MTUS1: variants seen among roughly 807,000 people sequenced by gnomAD.
MTUS1 encodes the protein microtubule associated scaffold protein 1, also known as microtubule-associated tumor suppressor 1.
Under a neutral mutation model 120.8 loss-of-function variants are expected in MTUS1, and 109 were observed. That is an observed-to-expected ratio of 0.90 (90% CI 0.77 to 1.06). MTUS1 has a LOEUF of 1.06. Ranked by LOEUF, MTUS1 falls within the 50% of genes least tolerant of loss-of-function variation. The pLI, the probability that MTUS1 is intolerant of heterozygous loss-of-function variation, is 0.00. For missense variants in MTUS1, 2,210 were observed against 1,486.3 expected (o/e 1.49, Z -8.01); for synonymous variants, 737 against 550.5 (o/e 1.34, Z -4.74).
At chr8:17,766,627 G>A (rs2049518543) in intron 1 of MTUS1, among the ~76,000 whole-genome samples, 2 of 152,202 alleles carry the variant, frequency 1.3e-5, no homozygotes, top group South Asian at 2.1e-4. Context: ...CGCATGGCAG[G>A]AGCCTGTGTA....
rs935483060 is a variant in MTUS1 at position 17,723,693 on chromosome 8, G to C, written c.2428C>G (p.Leu810Val). ...TPSIASTHSE[L>V]STYSNNSGNA... is the part of the protein sequence containing the mutation. Reference sequence around the variant, plus strand: ...TTACAATTGTTGCTGTAAGTGCTCAGCTCACTGTGGGTGCTGGCTATTGAG... The same window carrying C: ...TTACAATTGTTGCTGTAAGTGCTCACCTCACTGTGGGTGCTGGCTATTGAG... Residue 810 changes from leucine (L) to valine (V), a missense_variant, in exon 4 of 15, where the codon CTG (leucine) becomes GTG (valine). Leu to Val is a conservative substitution (Grantham distance 32). Transcript: ENST00000693296. 3.7e-6 allele frequency: 6 copies of C among 1,610,656 alleles called. 1 individual carries two copies. The highest frequency in any genetic ancestry group is 5.1e-6 in the Non-Finnish European group (6 of 1,177,694).
At chr8:17,661,765 G>A (rs1241284200) in intron 8 of MTUS1, among the ~76,000 whole-genome samples, 1 of 152,146 alleles carries the variant, frequency 6.6e-6, no homozygotes, top group Non-Finnish European at 1.5e-5. Flanking sequence ...GTTCACTGCT[G>A]TTATTGTAAT....
chr8:17,666,468 T>C (rs1428794091), intron 8 of MTUS1, among the ~76,000 whole-genome samples: 2 of 152,160 alleles, frequency 1.3e-5, no homozygotes, highest in African/African-American at 4.8e-5. Context: ...TTATTCTTAC[T>C]ATGCTTGAGA....
intron 11 of MTUS1, 46 bp downstream of exon 11, chr8:17,653,379 G>C: frequency 1.3e-6 from 2 of 1,538,500 alleles, no homozygotes; most frequent in Non-Finnish European, 1.8e-6. Context: ...AATCAAAAAT[G>C]ATATTTTTTT....
At chr8:17,653,603 T>C (rs1348750459) in intron 10 of MTUS1, 105 bp from the exon 11 acceptor site, 1 of 785,724 alleles carries the variant, frequency 1.3e-6, no homozygotes, top group African/African-American at 1.8e-5. Context: ...TGAAGCCGTA[T>C]GACGTTACTT....
chr8:17,677,478 T>C (rs1415520025), intron 7 of MTUS1, among the ~76,000 whole-genome samples: 3 of 152,144 alleles, frequency 2.0e-5, no homozygotes, highest in African/African-American at 7.2e-5. Flanking sequence ...TTATGGAAAC[T>C]AATGGGAGGA....
chr8:17,797,275 T>C (rs967726509), intron 1 of MTUS1, among the ~76,000 whole-genome samples: 16 of 152,022 alleles, frequency 1.1e-4, no homozygotes, highest in African/African-American at 3.4e-4. Context: ...TAGCCAGGCA[T>C]GGCGGCACAT....
chr8:17,668,417 C>T (rs1039897809), intron 8 of MTUS1, among the ~76,000 whole-genome samples: 5 of 152,162 alleles, frequency 3.3e-5, no homozygotes, highest in African/African-American at 1.2e-4. Context: ...CCCTCTATTG[C>T]ACCAGCTGTT....
chr8:17,741,469 C>G (rs970721610), intron 3 of MTUS1, among the ~76,000 whole-genome samples: 1 of 152,206 alleles, frequency 6.6e-6, no homozygotes, highest in Non-Finnish European at 1.5e-5. Flanking sequence ...TAGTTTTTAA[C>G]TCAGACTGAA....
At chr8:17,715,923 C>T (rs374144610) in intron 4 of MTUS1, 22 bp from the exon 5 acceptor site, 70 of 1,602,052 alleles carry the variant, frequency 4.4e-5, no homozygotes, top group African/African-American at 9.5e-5. Flanking sequence ...CAGAAAAGTA[C>T]ATTTTATTGT....
At chr8:17,760,494 CCAT>C (rs1448548277) in intron 1 of MTUS1, among the ~76,000 whole-genome samples, 1 of 152,138 alleles carries the variant, frequency 6.6e-6, no homozygotes. Flanking sequence ...ACCACCACCA[CCAT>C]GAAGACAAAG....
chr8:17,732,695 CTG>C (rs2046670565), intron 3 of MTUS1, among the ~76,000 whole-genome samples: 1 of 152,194 alleles, frequency 6.6e-6, no homozygotes. Context: ...TTCCCAACAT[CTG>C]TGTTTCCACC....
intron 6 of MTUS1, among the ~76,000 whole-genome samples, chr8:17,691,812 A>C (rs911855725): frequency 6.6e-6 from 1 of 152,220 alleles, no homozygotes; most frequent in African/African-American, 2.4e-5. Flanking sequence ...TTAACAGTAC[A>C]TGAATAAATG....
chr8:17,722,339 T>G (rs1279688328), intron 4 of MTUS1: 1 of 966,494 alleles, frequency 1.0e-6, no homozygotes, highest in Non-Finnish European at 1.2e-6. Context: ...CTAGAGCATG[T>G]TGGTGATTCT....
chr8:17,749,659 CAAAAAA>C (rs768210060), intron 2 of MTUS1, among the ~76,000 whole-genome samples: 1 of 76,416 alleles, frequency 1.3e-5, no homozygotes, highest in Non-Finnish European at 2.7e-5. Context: ...GAATCTGTCT[CAAAAAA>C]AAAAAAAAAA....
intron 8 of MTUS1, among the ~76,000 whole-genome samples, chr8:17,664,413 C>G (rs1459429828): frequency 6.6e-6 from 1 of 151,900 alleles, no homozygotes; most frequent in Non-Finnish European, 1.5e-5. Context: ...ACTCCTTTCC[C>G]AGACGCTCTG....
At chr8:17,656,397 AG>A (rs1808236854) in intron 8 of MTUS1, among the ~76,000 whole-genome samples, 1 of 151,890 alleles carries the variant, frequency 6.6e-6, no homozygotes, top group African/African-American at 2.4e-5. Context: ...GCATGGTAGC[AG>A]GTGCCTGTAA....
chr8:17,668,277 TA>T (rs1432048585), intron 8 of MTUS1, among the ~76,000 whole-genome samples: 1 of 152,236 alleles, frequency 6.6e-6, no homozygotes, highest in Non-Finnish European at 1.5e-5. Flanking sequence ...TGTGTGGCAC[TA>T]GACAATTCTT....
At chr8:17,792,599 T>G (rs1198974996) in intron 1 of MTUS1, among the ~76,000 whole-genome samples, 3 of 152,242 alleles carry the variant, frequency 2.0e-5, no homozygotes, top group East Asian at 1.9e-4. Flanking sequence ...CATGGTGGCT[T>G]ACGCCTGTAA....
Sources: allele counts gnomAD v4.1 joint callset (sites outside exome capture counted in the v4.1 genomes callset), GRCh38; gene constraint gnomAD v4.1.1; transcripts MANE v1.5; gene names NCBI Gene and HGNC (gene_info 2026-07-23, HGNC 2026-07-21).